VPS13B: variants seen among roughly 807,000 people sequenced by gnomAD.
VPS13B encodes intermembrane lipid transfer protein VPS13B.
Under a neutral mutation model 426.4 loss-of-function variants are expected in VPS13B, and 285 were observed. The observed-to-expected ratio is 0.67, with a 90% CI of 0.61 to 0.74. The LOEUF (loss-of-function observed/expected upper bound fraction) is 0.74. Among genes scored for constraint, VPS13B ranks in the 30% least tolerant of loss-of-function variants. The pLI is 0.00. For synonymous variants in VPS13B, 1,676 were observed against 1,676.4 expected, an observed-to-expected ratio of 1.00 and a Z score of 0.01; for missense variants, 4,537 against 4,782.6, an observed-to-expected ratio of 0.95 and a Z score of 1.51.
Position 99,618,166 on chromosome 8 carries a change from A to G in VPS13B, c.5221-23645A>G, listed in dbSNP as rs377631645. ...TTTTCCTCTGTGTGATATTGTGACA[A>G]TTTTCTAGCATGTTTCTTATATAAT... On this transcript the variant is annotated intron_variant, in intron 33 of 61. Coordinates refer to ENST00000357162, the MANE Select transcript of VPS13B (RefSeq NM_152564.5). Among the ~76,000 whole-genome samples, 20 of 151,806 alleles carry G rather than the reference A, an allele frequency of 1.3e-4. 2 individuals are homozygous for G. Among genetic ancestry groups the G allele is most frequent in the African/African-American group, 4.8e-4 (20 of 41,392 alleles).
chr8:99,583,115 C>A (rs1219919062), intron 33 of VPS13B, among the ~76,000 whole-genome samples: 1 of 152,152 alleles, frequency 6.6e-6, no homozygotes, highest in Non-Finnish European at 1.5e-5. Context: ...TGCTTTTCCC[C>A]CCAGAGCCAT....
chr8:99,222,036 AT>A (rs1301417955), intron 17 of VPS13B, among the ~76,000 whole-genome samples: 1 of 152,192 alleles, frequency 6.6e-6, no homozygotes, highest in African/African-American at 2.4e-5. Flanking sequence ...TTGGCTCTGA[AT>A]GGTATTTATT....
intron 39 of VPS13B, among the ~76,000 whole-genome samples, chr8:99,746,266 A>G (rs1348858063): frequency 1.3e-5 from 2 of 152,082 alleles, no homozygotes; most frequent in Non-Finnish European, 2.9e-5. Context: ...TATTATTCCT[A>G]TTGTATCACA....
intron 19 of VPS13B, among the ~76,000 whole-genome samples, chr8:99,345,614 AT>A (rs200538042): frequency 0.017 from 2,662 of 152,162 alleles, 64 homozygotes; most frequent in African/African-American, 0.058. Context: ...TGTCTGTGCT[AT>A]TTTTTTATGC....
intron 19 of VPS13B, among the ~76,000 whole-genome samples, chr8:99,280,793 A>T (rs1379056813): frequency 6.6e-6 from 1 of 152,204 alleles, no homozygotes; most frequent in Non-Finnish European, 1.5e-5. Flanking sequence ...CTTATAAATG[A>T]CATGAAATAA....
At chr8:99,503,862 T>A (rs1821360445) in intron 27 of VPS13B, among the ~76,000 whole-genome samples, 1 of 152,204 alleles carries the variant, frequency 6.6e-6, no homozygotes, top group Non-Finnish European at 1.5e-5. Context: ...AATGTTGATA[T>A]TTTTACCTCC....
chr8:99,567,136 C>T (rs1299478138), intron 31 of VPS13B, among the ~76,000 whole-genome samples: 1 of 152,158 alleles, frequency 6.6e-6, no homozygotes, highest in Non-Finnish European at 1.5e-5. Flanking sequence ...TATCTAAATC[C>T]TCAACACAGT....
chr8:99,812,315 C>T (rs928425536), intron 44 of VPS13B, among the ~76,000 whole-genome samples: 1 of 152,092 alleles, frequency 6.6e-6, no homozygotes, highest in African/African-American at 2.4e-5. Context: ...CCTCAATTGG[C>T]AAGGTTGGGA....
intron 5 of VPS13B, among the ~76,000 whole-genome samples, chr8:99,103,429 A>G (rs1328259708): frequency 1.3e-5 from 2 of 150,216 alleles, no homozygotes; most frequent in African/African-American, 2.5e-5. Context: ...TCCCGGGCTC[A>G]AACAATCCTC....
At chr8:99,160,834 C>T (rs1811611235) in intron 15 of VPS13B, among the ~76,000 whole-genome samples, 1 of 152,096 alleles carries the variant, frequency 6.6e-6, no homozygotes, top group African/African-American at 2.4e-5. Context: ...AGTTTTAGAT[C>T]ACCTGCAGGT....
chr8:99,136,849 CATAAG>C, intron 12 of VPS13B, 97 bp downstream of exon 12: 1 of 1,164,440 alleles, frequency 8.6e-7, no homozygotes, highest in Non-Finnish European at 1.3e-6. Context: ...TACTCTGCTA[CATAAG>C]ATTTATCTTC....
At chr8:99,378,327 T>C (rs914975301) in intron 19 of VPS13B, among the ~76,000 whole-genome samples, 1 of 152,206 alleles carries the variant, frequency 6.6e-6, no homozygotes, top group Non-Finnish European at 1.5e-5. Context: ...TGTTTTCCTG[T>C]TCTTAAGGTG....
chr8:99,121,177 G>A lies in VPS13B; in HGVS notation c.938G>A (p.Gly313Asp), dbSNP rs754738157. 1.2e-6 allele frequency: 2 copies of A among 1,612,550 alleles called. No homozygotes were observed. Among genetic ancestry groups the A allele is most frequent in the Non-Finnish European group, 1.7e-6 (2 of 1,179,346 alleles). ...HNKDMLGNIT[G>D]SEDETRIDMQ... The stretch of plus-strand genomic sequence containing the variant: ...AAAATGACTTAATTTTAATTGATAG[G>A]TTCTGAAGATGAAACAAGAATAGAT... Residue 313 changes from glycine (G) to aspartate (D), a missense_variant and splice_region_variant, in exon 8 of 62, where the codon GGT becomes GAT. Gly to Asp is a moderately conservative substitution (Grantham distance 94). This residue lies in a region of VPS13B where 4,311 missense variants were observed against 4,474.3 expected (regional missense o/e 0.96). Transcript: ENST00000357162.
intron 36 of VPS13B, among the ~76,000 whole-genome samples, chr8:99,705,821 T>C (rs1336443796): frequency 6.6e-6 from 1 of 152,126 alleles, no homozygotes; most frequent in Non-Finnish European, 1.5e-5. Flanking sequence ...TTCAGAGATA[T>C]GGAAGATATC....
chr8:99,257,956 A>G lies in VPS13B; in HGVS notation c.2516-16242A>G, dbSNP rs574566295. Among the ~76,000 whole-genome samples the G allele has an allele frequency of 1.6e-4, 25 of 151,696 alleles. 1 individual carries two copies. In the South Asian group the frequency reaches 2.9e-3, roughly 18 times the overall value. ...TATTACTAAGAACTTAGTTTCATGT[A>G]TTTTCTTCCCATATGTATTATGAAA... On this transcript the variant is annotated intron_variant, in intron 17 of 61. Coordinates refer to ENST00000357162, the MANE Select transcript of VPS13B (RefSeq NM_152564.5).
chr8:99,622,154 A>T (rs898449127), intron 33 of VPS13B, among the ~76,000 whole-genome samples: 2 of 152,184 alleles, frequency 1.3e-5, no homozygotes, highest in African/African-American at 4.8e-5. Flanking sequence ...TAGAGACAAG[A>T]TTAGTAGCTG....
chr8:99,226,851 T>G (rs1481640306), intron 17 of VPS13B, among the ~76,000 whole-genome samples: 1 of 152,230 alleles, frequency 6.6e-6, no homozygotes, highest in Non-Finnish European at 1.5e-5. Flanking sequence ...ATTTGGACTA[T>G]CCATAACCTT....
rs1441650856 is a variant in VPS13B, at chr8:99,192,911, T to C, written c.2369T>C (p.Ile790Thr). ...TCTCAGATTGCTATAACTGAAGGTA[T>C]ATTTGAACTTCCAAATCTCACAATT... ...KRSQIAITEG[I>T]FELPNLTIQA... The change falls in exon 17 of 62, where the codon ATA becomes ACA. Residue 790 changes from isoleucine (I) to threonine (T), a missense_variant. Coordinates refer to ENST00000357162, the MANE Select transcript of VPS13B (RefSeq NM_152564.5). 1 of 1,613,500 alleles carries C rather than the reference T, an allele frequency of 6.2e-7. No homozygotes were observed.
intron 21 of VPS13B, among the ~76,000 whole-genome samples, chr8:99,400,595 G>A (rs1294903403): frequency 6.6e-6 from 1 of 152,132 alleles, no homozygotes; most frequent in Admixed American, 6.6e-5. Context: ...TATTATTTAA[G>A]TTGTACTATT....
Sources: allele counts gnomAD v4.1 joint callset (sites outside exome capture counted in the v4.1 genomes callset), GRCh38; gene constraint gnomAD v4.1.1; regional missense constraint gnomAD v4.1.1; transcripts MANE v1.5; gene names NCBI Gene and HGNC (gene_info 2026-07-23, HGNC 2026-07-21).